GHR: variants seen among roughly 807,000 people sequenced by gnomAD.
The protein encoded by GHR is growth hormone receptor, also known as GH receptor.
A neutral mutation model predicts 67.1 loss-of-function variants in GHR; 35 were observed. The observed-to-expected ratio is 0.52, with a 90% CI of 0.40 to 0.69. GHR has a LOEUF of 0.69. Ranked by LOEUF, GHR falls within the 30% of genes least tolerant of loss-of-function variation. The pLI is 0.00. For synonymous variants in GHR, 272 were observed against 269.1 expected (o/e 1.01, Z -0.10); for missense variants, 792 against 764.6 (o/e 1.04, Z -0.42).
chr5:42,719,046 A>G lies in GHR; in HGVS notation c.1539A>G (p.Gln513=), dbSNP rs375981893. ...PGQKNKAGMS[Q]CDMHPEMVSL... ...AAAAGAATAAGGCAGGGATGTCCCA[A>G]TGTGACATGCACCCGGAAATGGTCT... is the stretch of plus-strand genomic sequence containing the variant. Residue 513 remains glutamine, a synonymous_variant, in exon 10 of 10, where the codon CAA becomes CAG. Coordinates refer to ENST00000230882, the MANE Select transcript of GHR (RefSeq NM_000163.5). The G allele has an allele frequency of 3.7e-6, 6 of 1,609,436 alleles. No homozygotes were observed. The highest frequency in any genetic ancestry group is 3.3e-5 in the South Asian group (3 of 90,670).
intron 3 of GHR, among the ~76,000 whole-genome samples, chr5:42,657,265 AT>A (rs1458105198): frequency 6.6e-6 from 1 of 152,092 alleles, no homozygotes; most frequent in Non-Finnish European, 1.5e-5. Context: ...TGGAGGCATC[AT>A]TTTCTTCATA....
intron 2 of GHR, among the ~76,000 whole-genome samples, chr5:42,622,079 G>A (rs1326308542): frequency 2.6e-5 from 4 of 152,168 alleles, no homozygotes; most frequent in African/African-American, 9.7e-5. Context: ...AGTATGCCAA[G>A]GGGTAGCCAT....
intron 2 of GHR, among the ~76,000 whole-genome samples, chr5:42,589,253 C>T (rs1400474169): frequency 1.3e-5 from 2 of 152,130 alleles, no homozygotes. Context: ...AAGAAATAAC[C>T]ATTTATTGTT....
chr5:42,710,483 T>G (rs1758402533), intron 6 of GHR, among the ~76,000 whole-genome samples: 1 of 152,114 alleles, frequency 6.6e-6, no homozygotes, highest in African/African-American at 2.4e-5. Flanking sequence ...GTTAAAAGTC[T>G]AACAGTCTCA....
At chr5:42,611,824 T>C (rs891675387) in intron 2 of GHR, among the ~76,000 whole-genome samples, 1 of 152,186 alleles carries the variant, frequency 6.6e-6, no homozygotes, top group African/African-American at 2.4e-5. Flanking sequence ...CTTCAAGATA[T>C]TGCCATGATC....
chr5:42,671,200 A>G (rs1756275532), intron 3 of GHR, among the ~76,000 whole-genome samples: 3 of 152,226 alleles, frequency 2.0e-5, no homozygotes, highest in African/African-American at 4.8e-5. Context: ...GCATGGTGCC[A>G]GCACCTGGCC....
chr5:42,465,486 C>T, intron 1 of GHR: 1 of 1,576,756 alleles, frequency 6.3e-7, no homozygotes, highest in Non-Finnish European at 8.7e-7. Context: ...TCTTCAACTT[C>T]ATTCTCCTTA....
chr5:42,620,854 A>G (rs141139239), intron 2 of GHR, among the ~76,000 whole-genome samples: 1 of 152,262 alleles, frequency 6.6e-6, no homozygotes, highest in Non-Finnish European at 1.5e-5. Flanking sequence ...TCTTAAAAAG[A>G]TCTATGATAA....
At chr5:42,670,959 G>T (rs1182203077) in intron 3 of GHR, among the ~76,000 whole-genome samples, 1 of 148,974 alleles carries the variant, frequency 6.7e-6, no homozygotes, top group African/African-American at 2.5e-5. Flanking sequence ...TTAAAACCTG[G>T]CAAAGACACA....
intron 1 of GHR, among the ~76,000 whole-genome samples, chr5:42,500,470 T>C (rs1363953832): frequency 6.6e-6 from 1 of 152,238 alleles, no homozygotes; most frequent in Non-Finnish European, 1.5e-5. Context: ...CTTAACAGGG[T>C]TGTTACGAGG....
chr5:42,460,566 C>T (rs1016642930), intron 1 of GHR, among the ~76,000 whole-genome samples: 2 of 152,136 alleles, frequency 1.3e-5, no homozygotes, highest in Admixed American at 6.5e-5. Flanking sequence ...TTGACTTTGA[C>T]GGTGCTTGTT....
At chr5:42,426,454 G>T (rs927762465) in intron 1 of GHR, among the ~76,000 whole-genome samples, 4 of 152,150 alleles carry the variant, frequency 2.6e-5, no homozygotes, top group Non-Finnish European at 5.9e-5. Flanking sequence ...ACACTTCTCA[G>T]GTCGTACCAC....
At chr5:42,471,733 T>C (rs1451053767) in intron 1 of GHR, among the ~76,000 whole-genome samples, 7 of 152,200 alleles carry the variant, frequency 4.6e-5, no homozygotes, top group Non-Finnish European at 8.8e-5. Context: ...GTTTAAATAA[T>C]AAATAAAATG....
intron 2 of GHR, among the ~76,000 whole-genome samples, chr5:42,567,490 C>G (rs995152059): frequency 6.6e-6 from 1 of 151,944 alleles, no homozygotes; most frequent in African/African-American, 2.4e-5. Flanking sequence ...TTTATTTGTT[C>G]AGGGAGAGCA....
intron 2 of GHR, among the ~76,000 whole-genome samples, chr5:42,583,924 T>A (rs1751336429): frequency 6.6e-6 from 1 of 150,718 alleles, no homozygotes; most frequent in Non-Finnish European, 1.5e-5. Flanking sequence ...AAGCTTCCAG[T>A]CACCAGGTGA....
chr5:42,626,590 TG>T (rs527708441), intron 2 of GHR, among the ~76,000 whole-genome samples: 1 of 151,964 alleles, frequency 6.6e-6, no homozygotes, highest in South Asian at 2.1e-4. Context: ...GGTTGGAGAG[TG>T]GGGCTGAAGT....
At chr5:42,583,238 G>A (rs1025853933) in intron 2 of GHR, among the ~76,000 whole-genome samples, 1 of 152,188 alleles carries the variant, frequency 6.6e-6, no homozygotes, top group Non-Finnish European at 1.5e-5. Flanking sequence ...AGTTTGGGAA[G>A]CCTTGCTTCA....
rs961818259 is a variant in GHR at position 42,424,617 on chromosome 5, G to T, written c.-12+662G>T. 6.5e-7 allele frequency: 1 copy of T among 1,532,600 alleles called. No individual in the cohort carries two copies. Among genetic ancestry groups the T allele is most frequent in the East Asian group, 2.4e-5 (1 of 40,872 alleles). 94.9% of individuals were successfully genotyped at this position (1,532,600 alleles called of 1,614,324 possible). A position where few individuals can be genotyped will look rare whatever the true frequency, so the allele number is the denominator to read the frequency against. The stretch of plus-strand genomic sequence containing the variant: ...AACTGGGGTAAGTGGAAATTGTGGC[G>T]AGCCGACCTCCCCCAGCTTTTGACA... On this transcript the variant is annotated intron_variant, in intron 1 of 9. Transcript: ENST00000230882. This position sits in a 1 kb window ranked among gnomAD's most constrained non-coding sequence, Gnocchi z 4.1.
At chr5:42,483,127 G>A (rs958607529) in intron 1 of GHR, among the ~76,000 whole-genome samples, 3 of 152,126 alleles carry the variant, frequency 2.0e-5, no homozygotes, top group African/African-American at 7.2e-5. Flanking sequence ...GGAGTGCAGT[G>A]GTGCCATCTC....
Sources: allele counts gnomAD v4.1 joint callset (sites outside exome capture counted in the v4.1 genomes callset), GRCh38; gene constraint gnomAD v4.1.1; non-coding constraint Gnocchi (gnomAD v3.1); transcripts MANE v1.5; gene names NCBI Gene and HGNC (gene_info 2026-07-23, HGNC 2026-07-21).